The following ZSCAN25 variants were observed in gnomAD, a reference collection of about 807,000 sequenced individuals.
ZSCAN25 encodes zinc finger and SCAN domain containing 25, also known as zinc finger and SCAN domain-containing protein 25.
A neutral mutation model predicts 38.7 loss-of-function variants in ZSCAN25; 27 were observed. That is an observed-to-expected ratio of 0.70 (90% CI 0.51 to 0.96). The LOEUF is 0.96. Among genes scored for constraint, ZSCAN25 ranks in the 40% least tolerant of loss-of-function variants. The pLI is 0.00. For missense variants in ZSCAN25, 637 were observed against 705.9 expected, an observed-to-expected ratio of 0.90 and a Z score of 1.11; for synonymous variants, 273 against 277.7, an observed-to-expected ratio of 0.98 and a Z score of 0.17.
At chr7:99,627,466 C>T (rs1807576319) in intron 7 of ZSCAN25, among the ~76,000 whole-genome samples, 1 of 152,106 alleles carries the variant, frequency 6.6e-6, no homozygotes. Flanking sequence ...CACACACACA[C>T]ATACATATAC....
intron 7 of ZSCAN25, among the ~76,000 whole-genome samples, chr7:99,625,421 G>C (rs541056381): frequency 6.6e-6 from 1 of 152,286 alleles, no homozygotes; most frequent in Admixed American, 6.5e-5. Flanking sequence ...TTGCCTGTGG[G>C]GTCTTAGAGT....
At chr7:99,660,214 CTTTTTTTTT>C in the ZSCAN25 span, 413 of 429,890 alleles carry the variant, frequency 9.6e-4, 1 homozygote, top group South Asian at 6.1e-3. Context: ...CGCCACACTC[CTTTTTTTTT>C]TTTTTTTTTT....
chr7:99,646,517 C>A, the ZSCAN25 span, among the ~76,000 whole-genome samples: 2 of 152,026 alleles, frequency 1.3e-5, no homozygotes, highest in Non-Finnish European at 2.9e-5. Flanking sequence ...TTTAAAATAT[C>A]ATTTGGAAGT....
chr7:99,623,904 A>G (rs540676311), intron 6 of ZSCAN25, among the ~76,000 whole-genome samples, 153 bp from the exon 7 acceptor site: 13 of 152,246 alleles, frequency 8.5e-5, no homozygotes, highest in Non-Finnish European at 1.6e-4. Context: ...CCCCAGCCAC[A>G]GAGGCTCACA....
In ZSCAN25 at chr7:99,616,968, A is replaced by G. The variant is rs551812987; in HGVS notation, c.-307A>G. 1,368 of 152,334 alleles carry G rather than the reference A, an allele frequency of 9.0e-3. 9 individuals carry two copies. The highest frequency in any genetic ancestry group is 0.013 in the Non-Finnish European group (880 of 68,064). The allele number at this position is 152,334 out of a possible 1,614,324, so 9.4% of individuals were successfully genotyped here. A position where few individuals can be genotyped will look rare whatever the true frequency, so the allele number is the denominator to read the frequency against. On this transcript the variant is annotated 5_prime_UTR_variant, in exon 1 of 8. Coordinates refer to ENST00000394152, the MANE Select transcript of ZSCAN25 (RefSeq NM_145115.3). ...TCCGCAGCTCACTTCCGGACCGCGG[A>G]TAGCACTGGCGACCCTAGCGGGTGA...
chr7:99,632,989 G>GTTGTTTTTTTTTTTTTTTTTTTTTT (rs1554412109), downstream of ZSCAN25, among the ~76,000 whole-genome samples: 25 of 128,552 alleles, frequency 1.9e-4, 1 homozygote, highest in African/African-American at 7.5e-4. Context: ...ATTTTCTGTT[G>GTTGTTTTTTTTTTTTTTTTTTTTTT]TTTTTTTTTT....
At chr7:99,706,726 A>T in the ZSCAN25 span, among the ~76,000 whole-genome samples, 1 of 152,276 alleles carries the variant, frequency 6.6e-6, no homozygotes, top group Non-Finnish European at 1.5e-5. Flanking sequence ...GCACACACAC[A>T]TGCAAATACA....
At chr7:99,709,364 T>C in the ZSCAN25 span, 1 of 1,497,646 alleles carries the variant, frequency 6.7e-7, no homozygotes. Context: ...AGAGAACAAC[T>C]CATACTGGCA....
chr7:99,725,849 G>A, the ZSCAN25 span, among the ~76,000 whole-genome samples: 5 of 152,090 alleles, frequency 3.3e-5, no homozygotes, highest in Non-Finnish European at 5.9e-5. Context: ...CGATAGGGGG[G>A]ATACCCACTC....
At chr7:99,717,334 G>T in the ZSCAN25 span, 1 of 1,610,882 alleles carries the variant, frequency 6.2e-7, no homozygotes, top group African/African-American at 1.3e-5. Context: ...ACATGACTTT[G>T]CCTGGCATGG....
chr7:99,670,155 A>G, the ZSCAN25 span, among the ~76,000 whole-genome samples: 2 of 152,212 alleles, frequency 1.3e-5, no homozygotes, highest in Non-Finnish European at 2.9e-5. Context: ...TAAAGATTTT[A>G]TGCTTTGTGA....
downstream of ZSCAN25, among the ~76,000 whole-genome samples, chr7:99,632,984 CTGT>C (rs776155883): frequency 5.2e-5 from 7 of 135,852 alleles, no homozygotes; most frequent in South Asian, 1.5e-3. Flanking sequence ...TCTGCATTTT[CTGT>C]TGTTTTTTTT....
chr7:99,671,805 T>C, the ZSCAN25 span: 1 of 702,942 alleles, frequency 1.4e-6, no homozygotes, highest in Non-Finnish European at 2.6e-6. Flanking sequence ...ATGTTGTGAC[T>C]GTAGGACAGC....
At chr7:99,695,939 A>G in the ZSCAN25 span, 2 of 950,724 alleles carry the variant, frequency 2.1e-6, no homozygotes, top group Non-Finnish European at 3.2e-6. Flanking sequence ...CAAGAGAAGG[A>G]GGTAACATTA....
At chr7:99,651,518 A>G in the ZSCAN25 span, among the ~76,000 whole-genome samples, 7 of 152,150 alleles carry the variant, frequency 4.6e-5, no homozygotes, top group Non-Finnish European at 7.3e-5. Flanking sequence ...TCCAGAAAAC[A>G]GAGAACTTGG....
At chr7:99,733,817 T>C in the ZSCAN25 span, among the ~76,000 whole-genome samples, 1 of 152,254 alleles carries the variant, frequency 6.6e-6, no homozygotes, top group Non-Finnish European at 1.5e-5. Flanking sequence ...TTGCTTACTT[T>C]CTAGCCCTGA....
chr7:99,638,913 G>C, the ZSCAN25 span: 1 of 533,646 alleles, frequency 1.9e-6, no homozygotes, highest in South Asian at 2.3e-5. Flanking sequence ...GCCCAGGCCT[G>C]TCGCTCACTC....
chr7:99,658,644 G>A, the ZSCAN25 span, among the ~76,000 whole-genome samples: 2 of 152,086 alleles, frequency 1.3e-5, no homozygotes, highest in African/African-American at 4.8e-5. Flanking sequence ...GCTAGATTGG[G>A]GAAGTTCTCC....
the ZSCAN25 span, chr7:99,720,497 G>A: frequency 1.1e-5 from 15 of 1,426,828 alleles, no homozygotes; most frequent in African/African-American, 5.6e-5. Context: ...ACTTTGATCC[G>A]GACATTACAT....
Sources: gnomAD v4.1 joint callset for allele counts (sites outside exome capture counted in the v4.1 genomes callset) on GRCh38, gnomAD v4.1.1 for gene constraint, MANE v1.5 for transcripts, NCBI Gene and HGNC (gene_info 2026-07-23, HGNC 2026-07-21) for gene names.